ZNF804A: variants seen among roughly 807,000 people sequenced by gnomAD.
ZNF804A encodes the protein zinc finger protein 804A.
In ZNF804A, 2 loss-of-function variants were observed where a neutral mutation model predicts 16.5. That is an observed-to-expected ratio of 0.12 (90% confidence interval 0.05 to 0.38). The LOEUF is 0.38. ZNF804A is among the 10% of genes least tolerant of loss of function. The pLI is 0.99. For synonymous variants in ZNF804A, 534 were observed against 489.6 expected (o/e 1.09, Z -1.20); for missense variants, 1,473 against 1,390.7 (o/e 1.06, Z -0.94).
chr2:184,636,184 A>C (rs1691692683), intron 1 of ZNF804A, among the ~76,000 whole-genome samples: 1 of 152,156 alleles, frequency 6.6e-6, no homozygotes. Context: ...AAAAGACTGA[A>C]AAATTATGCC....
At chr2:184,701,673 T>C (rs983145188) in intron 1 of ZNF804A, among the ~76,000 whole-genome samples, 4 of 151,938 alleles carry the variant, frequency 2.6e-5, no homozygotes, top group South Asian at 2.1e-4. Flanking sequence ...AAAATCAGGT[T>C]CTTTTTTTTC....
At chr2:184,775,158 A>C (rs1321186579) in intron 1 of ZNF804A, among the ~76,000 whole-genome samples, 2 of 151,718 alleles carry the variant, frequency 1.3e-5, no homozygotes, top group African/African-American at 4.8e-5. Context: ...TAATTTCCTC[A>C]ATAGTCTTTA....
intron 1 of ZNF804A, among the ~76,000 whole-genome samples, chr2:184,679,353 A>G (rs1433726988): frequency 1.3e-5 from 2 of 152,234 alleles, no homozygotes; most frequent in Admixed American, 6.5e-5. Context: ...CATTGCAAAG[A>G]TGCCAGCTGT....
intron 1 of ZNF804A, among the ~76,000 whole-genome samples, chr2:184,863,462 C>A (rs1432572813): frequency 6.6e-6 from 1 of 151,100 alleles, no homozygotes; most frequent in Non-Finnish European, 1.5e-5. Context: ...GCAATTTGAC[C>A]AAGAAGTCTG....
At chr2:184,659,771 GT>G (rs1692138267) in intron 1 of ZNF804A, among the ~76,000 whole-genome samples, 1 of 152,112 alleles carries the variant, frequency 6.6e-6, no homozygotes, top group Non-Finnish European at 1.5e-5. Flanking sequence ...TCCTTTCGGA[GT>G]TTATTATTAT....
At chr2:184,909,403 A>C (rs915692949) in intron 2 of ZNF804A, among the ~76,000 whole-genome samples, 2 of 152,056 alleles carry the variant, frequency 1.3e-5, no homozygotes, top group African/African-American at 4.8e-5. Context: ...CATAAATCCA[A>C]TTGACAAACT....
chr2:184,716,675 T>C (rs1019770007), intron 1 of ZNF804A, among the ~76,000 whole-genome samples: 3 of 152,102 alleles, frequency 2.0e-5, no homozygotes, highest in African/African-American at 7.2e-5. Context: ...TAACTTTTAG[T>C]TATTTGAATT....
intron 1 of ZNF804A, among the ~76,000 whole-genome samples, chr2:184,647,170 C>G (rs1157868598): frequency 6.6e-6 from 1 of 152,084 alleles, no homozygotes; most frequent in Non-Finnish European, 1.5e-5. Context: ...AGTTGCACCC[C>G]TAGGAAGGAG....
intron 1 of ZNF804A, among the ~76,000 whole-genome samples, chr2:184,812,457 C>CT (rs1694916447): frequency 6.6e-6 from 1 of 152,074 alleles, no homozygotes; most frequent in South Asian, 2.1e-4. Flanking sequence ...GAATAAAGAA[C>CT]TTTTTATTTT....
intron 1 of ZNF804A, among the ~76,000 whole-genome samples, chr2:184,744,968 A>C (rs2105754920): frequency 6.6e-6 from 1 of 151,966 alleles, no homozygotes; most frequent in East Asian, 1.9e-4. Context: ...TGATTACAGT[A>C]ATGTGTCTAT....
intron 2 of ZNF804A, among the ~76,000 whole-genome samples, chr2:184,900,047 G>T (rs1685153309): frequency 6.6e-6 from 1 of 152,056 alleles, no homozygotes; most frequent in African/African-American, 2.4e-5. Flanking sequence ...TTATAATTCA[G>T]TTTTAAAATA....
At chr2:184,687,021 AC>A (rs1431294430) in intron 1 of ZNF804A, among the ~76,000 whole-genome samples, 2 of 151,526 alleles carry the variant, frequency 1.3e-5, no homozygotes, top group African/African-American at 4.9e-5. Context: ...GTGTGCAGAA[AC>A]TCTTTAGGTA....
intron 1 of ZNF804A, among the ~76,000 whole-genome samples, chr2:184,628,268 T>TTG (rs1452850774): frequency 6.6e-6 from 1 of 151,936 alleles, no homozygotes; most frequent in Non-Finnish European, 1.5e-5. Context: ...TTAGCAGATA[T>TTG]TGTGCCATTG....
intron 1 of ZNF804A, among the ~76,000 whole-genome samples, chr2:184,676,175 G>A (rs879923250): frequency 1.1e-4 from 17 of 151,418 alleles, no homozygotes; most frequent in Non-Finnish European, 1.8e-4. Context: ...AGATTGAGTG[G>A]GAATTCCATT....
At chr2:184,814,049 C>T (rs1694940978) in intron 1 of ZNF804A, among the ~76,000 whole-genome samples, 1 of 123,676 alleles carries the variant, frequency 8.1e-6, no homozygotes, top group Non-Finnish European at 1.6e-5. Context: ...GTTCCAAGCA[C>T]CTAAAATAGT....
In ZNF804A at chr2:184,698,048, AG is replaced by A. The variant is rs1254912848; in HGVS notation, c.111+98980del. Among the ~76,000 whole-genome samples the A allele has an allele frequency of 1.1e-4, 16 of 152,178 alleles. No individual in the cohort carries two copies. The East Asian group carries it at 2.5e-3, about 24-fold the overall frequency. ...TTAGCTCCCTTTAAAAGGAGGTAAAAGGTTCAGATTTAATTTGAGTCTATTC... is the reference window on the plus strand; with the variant it reads ...TTAGCTCCCTTTAAAAGGAGGTAAAAGTTCAGATTTAATTTGAGTCTATTC... On this transcript the variant is annotated intron_variant, in intron 1 of 3. Transcript: ENST00000302277.
intron 1 of ZNF804A, among the ~76,000 whole-genome samples, chr2:184,708,721 G>A (rs765486305): frequency 5.9e-5 from 9 of 152,010 alleles, no homozygotes; most frequent in Non-Finnish European, 1.0e-4. Context: ...CTATGACAAG[G>A]AAATGTATAT....
intron 1 of ZNF804A, among the ~76,000 whole-genome samples, chr2:184,737,850 G>A (rs1693652328): frequency 6.6e-6 from 1 of 152,082 alleles, no homozygotes. Flanking sequence ...CTGTCCAGGC[G>A]CAGTGGCTTA....
At chr2:184,846,775 A>G (rs1695522668) in intron 1 of ZNF804A, among the ~76,000 whole-genome samples, 1 of 152,200 alleles carries the variant, frequency 6.6e-6, no homozygotes, top group East Asian at 1.9e-4. Context: ...TAAATTACCC[A>G]GAGAGTCTAA....
Sources: gnomAD v4.1 joint callset for allele counts (sites outside exome capture counted in the v4.1 genomes callset) on GRCh38, gnomAD v4.1.1 for gene constraint, MANE v1.5 for transcripts, NCBI Gene and HGNC (gene_info 2026-07-23, HGNC 2026-07-21) for gene names.